DYNC2LI1: variants seen among roughly 807,000 people sequenced by gnomAD.
The protein encoded by DYNC2LI1 is dynein cytoplasmic 2 light intermediate chain 1.
DYNC2LI1 carries 45 observed loss-of-function variants against 51.9 expected under a neutral mutation model. That is an observed-to-expected ratio of 0.87 (90% CI 0.68 to 1.11). The LOEUF is 1.11. Ranked by LOEUF, DYNC2LI1 falls within the 50% of genes most tolerant of loss-of-function variation. The probability of loss-of-function intolerance (pLI) is 0.00; values close to 1 mark genes in which losing one functional copy is unlikely to be tolerated. For synonymous variants in DYNC2LI1, 130 were observed against 137.8 expected, an observed-to-expected ratio of 0.94 and a Z score of 0.40; for missense variants, 490 against 417.4, an observed-to-expected ratio of 1.17 and a Z score of -1.51.
chr2:43,826,185 A>G, the DYNC2LI1 span, among the ~76,000 whole-genome samples: 1 of 141,402 alleles, frequency 7.1e-6, no homozygotes, highest in African/African-American at 2.7e-5. Context: ...TTTTTTAGAG[A>G]TGGGGAGTCT....
chr2:43,798,750 T>C (rs913031957), intron 8 of DYNC2LI1, among the ~76,000 whole-genome samples: 3 of 152,180 alleles, frequency 2.0e-5, no homozygotes, highest in Admixed American at 2.0e-4. Context: ...GGGTTTGGGT[T>C]AGTGGAGTAC....
At chr2:43,802,339 C>T (rs986552435) in intron 10 of DYNC2LI1, among the ~76,000 whole-genome samples, 2 of 149,534 alleles carry the variant, frequency 1.3e-5, no homozygotes, top group African/African-American at 2.5e-5. Context: ...CTGCAGGTGG[C>T]GTAGTTTGCT....
chr2:43,806,281 A>C (rs1435716912), intron 12 of DYNC2LI1, among the ~76,000 whole-genome samples: 1 of 152,228 alleles, frequency 6.6e-6, no homozygotes, highest in Non-Finnish European at 1.5e-5. Context: ...AAACTTATAT[A>C]TGCTAAGCAC....
chr2:43,827,341 AAGTG>A, the DYNC2LI1 span, among the ~76,000 whole-genome samples: 3 of 151,760 alleles, frequency 2.0e-5, no homozygotes, highest in Admixed American at 1.3e-4. Context: ...AAAAAAAAAA[AAGTG>A]ACAAGAGCTG....
At chr2:43,787,127 C>T in intron 3 of DYNC2LI1, 54 bp from the exon 4 acceptor site, 1 of 1,411,492 alleles carries the variant, frequency 7.1e-7, no homozygotes, top group Non-Finnish European at 1.0e-6. Context: ...AAGGTGATAG[C>T]ATAAGAAACT....
chr2:43,815,910 G>GAAAA, the DYNC2LI1 span, among the ~76,000 whole-genome samples: 4 of 104,064 alleles, frequency 3.8e-5, no homozygotes, highest in African/African-American at 6.5e-5. Flanking sequence ...AACAGGAAAA[G>GAAAA]AAAAAAAAAA....
At chr2:43,792,613 T>G (rs1558681576) in intron 5 of DYNC2LI1, 4 of 1,468,816 alleles carry the variant, frequency 2.7e-6, no homozygotes, top group East Asian at 5.1e-5. Context: ...CAGAACTTTT[T>G]GATCTTCTCA....
chr2:43,807,297 C>G (rs1666297417), intron 12 of DYNC2LI1, among the ~76,000 whole-genome samples: 2 of 152,166 alleles, frequency 1.3e-5, no homozygotes, highest in Middle Eastern at 3.4e-3. Flanking sequence ...AAAGTTCTGT[C>G]TTTTGCCAGA....
At chr2:43,813,305 G>A, downstream of DYNC2LI1, 1 of 1,610,412 alleles carries the variant, frequency 6.2e-7, no homozygotes, top group African/African-American at 1.3e-5. Context: ...AAACATTTGA[G>A]CTGCCTGTCA....
intron 1 of DYNC2LI1, 139 bp downstream of exon 1, chr2:43,774,285 A>G: frequency 8.8e-7 from 1 of 1,141,502 alleles, no homozygotes; most frequent in Non-Finnish European, 1.3e-6. Flanking sequence ...GGACCTAGGA[A>G]TCAGCCTTGA....
At position 43,809,771 on chromosome 2, in the gene DYNC2LI1, T is replaced by A; in HGVS notation, c.*4T>A. 13 of 1,606,948 alleles carry A rather than the reference T, an allele frequency of 8.1e-6. No individual in the cohort carries two copies. The highest frequency in any genetic ancestry group is 1.1e-5 in the South Asian group (1 of 90,066). ...ACAAATCGAGCTTGATTCTTGAACC[T>A]ATTTCAATTATTGTATATTTATTTC... is the stretch of plus-strand genomic sequence containing the variant. On this transcript the variant is annotated 3_prime_UTR_variant, in exon 13 of 13. Transcript: ENST00000260605.
chr2:43,789,620 T>G lies in DYNC2LI1; in HGVS notation c.232-13T>G, dbSNP rs1558677636. The G allele has an allele frequency of 3.1e-6, 5 of 1,611,516 alleles. No individual in the cohort carries two copies. The highest frequency in any genetic ancestry group is 1.1e-5 in the South Asian group (1 of 90,566). ...ACTTAAACTTCAAAAAATCAAAAATTTTTGTTTTTCAGCCAAAAGATATCG... is the reference window on the plus strand; with the variant it reads ...ACTTAAACTTCAAAAAATCAAAAATGTTTGTTTTTCAGCCAAAAGATATCG... On this transcript the variant is annotated splice_polypyrimidine_tract_variant and intron_variant, in intron 4 of 12. Transcript: ENST00000260605.
intron 8 of DYNC2LI1, among the ~76,000 whole-genome samples, chr2:43,799,645 A>G (rs1185570428): frequency 1.3e-5 from 2 of 152,214 alleles, no homozygotes. Context: ...CAGAAGGCCT[A>G]CAGTTCTTTG....
chr2:43,784,778 A>G (rs1335163538), intron 3 of DYNC2LI1, among the ~76,000 whole-genome samples: 2 of 152,142 alleles, frequency 1.3e-5, no homozygotes, highest in East Asian at 1.9e-4. Flanking sequence ...ACTTAGGAAA[A>G]GGTTAATTTT....
intron 10 of DYNC2LI1, among the ~76,000 whole-genome samples, chr2:43,801,983 A>G (rs74737559): frequency 4.8e-4 from 73 of 152,210 alleles, no homozygotes; most frequent in African/African-American, 1.5e-3. Context: ...TCTTTCCCCA[A>G]CTGATTTCCA....
the DYNC2LI1 span, among the ~76,000 whole-genome samples, chr2:43,819,559 C>A: frequency 1.3e-5 from 2 of 151,570 alleles, no homozygotes; most frequent in Admixed American, 1.3e-4. Context: ...CTCAACAGTA[C>A]CAGGTCAGAA....
At chr2:43,776,494 A>G (rs1458060182) in intron 1 of DYNC2LI1, among the ~76,000 whole-genome samples, 1 of 152,208 alleles carries the variant, frequency 6.6e-6, no homozygotes, top group Non-Finnish European at 1.5e-5. Context: ...GCTGACATAC[A>G]CAGCTATGAA....
At chr2:43,782,084 G>A (rs1330765879) in intron 2 of DYNC2LI1, among the ~76,000 whole-genome samples, 3 of 151,102 alleles carry the variant, frequency 2.0e-5, no homozygotes, top group Admixed American at 1.3e-4. Context: ...ACAGAGACAT[G>A]CTGATCTATT....
intron 6 of DYNC2LI1, 118 bp from the exon 7 acceptor site, chr2:43,795,772 A>T (rs943506504): frequency 6.7e-6 from 5 of 743,702 alleles, no homozygotes; most frequent in Middle Eastern, 3.1e-4. Flanking sequence ...ATGTCAAGCA[A>T]ATTAAGTAAA....
Sources: gnomAD v4.1 joint callset for allele counts (sites outside exome capture counted in the v4.1 genomes callset) on GRCh38, gnomAD v4.1.1 for gene constraint, MANE v1.5 for transcripts, NCBI Gene and HGNC (gene_info 2026-07-23, HGNC 2026-07-21) for gene names.